The following SP4 variants were observed in gnomAD, a reference collection of about 807,000 sequenced individuals.
The protein encoded by SP4 is transcription factor Sp4.
A neutral mutation model predicts 72.8 loss-of-function variants in SP4; 19 were observed. The observed-to-expected ratio is 0.26, with a 90% CI of 0.18 to 0.38. The LOEUF is 0.38. Among genes scored for constraint, SP4 ranks in the 10% least tolerant of loss-of-function variants. The pLI is 1.00. For synonymous variants in SP4, 395 were observed against 333.1 expected (o/e 1.19, Z -2.02); for missense variants, 1,008 against 926.3 (o/e 1.09, Z -1.14).
intron 5 of SP4, among the ~76,000 whole-genome samples, chr7:21,490,797 C>T (rs1784957657): frequency 1.3e-5 from 2 of 152,314 alleles, no homozygotes; most frequent in South Asian, 4.1e-4. Flanking sequence ...AACCACCATC[C>T]AATTCCCAGC....
chr7:21,482,070 G>T lies in SP4; in HGVS notation c.2054G>T (p.Gly685Val). ...TTTATATGCAACTGGATGTTTTGTG[G>T]CAAAAGATTCACACGGAGTGATGAG... ...RPFICNWMFC[G>V]KRFTRSDELQ... Residue 685 changes from glycine to valine, a missense_variant, in exon 5 of 6, where the codon GGC becomes GTC. Transcript: ENST00000222584. The T allele has an allele frequency of 6.2e-7, 1 of 1,614,050 alleles. No individual in the cohort carries two copies. Among genetic ancestry groups the T allele is most frequent in the Non-Finnish European group, 8.5e-7 (1 of 1,179,926 alleles).
At chr7:21,469,333 A>G (rs1784258971) in intron 3 of SP4, among the ~76,000 whole-genome samples, 1 of 151,906 alleles carries the variant, frequency 6.6e-6, no homozygotes, top group Admixed American at 6.6e-5. Context: ...TCAAAATGAT[A>G]ATAGTGGTAA....
intron 3 of SP4, among the ~76,000 whole-genome samples, chr7:21,443,691 A>C (rs1783331363): frequency 6.6e-6 from 1 of 152,172 alleles, no homozygotes; most frequent in Admixed American, 6.5e-5. Context: ...AAGGGGTGGA[A>C]AATCCTTGCT....
At chr7:21,492,858 A>G (rs932891301) in intron 5 of SP4, among the ~76,000 whole-genome samples, 2 of 152,202 alleles carry the variant, frequency 1.3e-5, no homozygotes, top group Non-Finnish European at 2.9e-5. Flanking sequence ...TGGAACATTC[A>G]CAGAGGTAGA....
At chr7:21,491,650 A>G (rs1201794990) in intron 5 of SP4, among the ~76,000 whole-genome samples, 1 of 152,224 alleles carries the variant, frequency 6.6e-6, no homozygotes, top group Non-Finnish European at 1.5e-5. Flanking sequence ...AAGCCAGAAG[A>G]GAAGGACACA....
At chr7:21,460,905 C>T (rs1337306479) in intron 3 of SP4, among the ~76,000 whole-genome samples, 2 of 151,894 alleles carry the variant, frequency 1.3e-5, no homozygotes, top group Non-Finnish European at 2.9e-5. Context: ...CCGATTGGTG[C>T]ATTCACAATC....
At position 21,455,278 on chromosome 7, in the gene SP4, T is replaced by C. The variant is rs574440184; in HGVS notation, c.1679-21801T>C. ...GCTTCCCACACCACTTGCAATTAAC[T>C]GAAGGAGTAGGCTTTTGTAGTTTTT... On this transcript the variant is annotated intron_variant, in intron 3 of 5. Coordinates refer to ENST00000222584, the MANE Select transcript of SP4 (RefSeq NM_003112.5). 2.6e-4 allele frequency among the ~76,000 whole-genome samples: 40 copies of C among 152,332 alleles called. No homozygotes were observed. The East Asian group carries it at 7.0e-3, about 26-fold the overall frequency.
chr7:21,498,707 A>G (rs766448603), intron 5 of SP4, among the ~76,000 whole-genome samples: 2 of 152,244 alleles, frequency 1.3e-5, no homozygotes, highest in Non-Finnish European at 2.9e-5. Flanking sequence ...GCTGTTGACT[A>G]GAAGCCTTAA....
intron 1 of SP4, 54 bp downstream of exon 1, chr7:21,428,312 C>T (rs1562577051): frequency 3.2e-6 from 3 of 932,456 alleles, no homozygotes; most frequent in Non-Finnish European, 5.2e-6. Context: ...CTCTCCCTCC[C>T]TCCCCAGACC....
intron 3 of SP4, among the ~76,000 whole-genome samples, chr7:21,453,911 A>G (rs1262105163): frequency 6.6e-6 from 1 of 152,208 alleles, no homozygotes; most frequent in African/African-American, 2.4e-5. Context: ...GCTTTATCCT[A>G]TCTAACTTAA....
intron 4 of SP4, among the ~76,000 whole-genome samples, chr7:21,479,977 T>C (rs7802314): frequency 0.58 from 85,209 of 147,918 alleles, 24,414 homozygotes; most frequent in Middle Eastern, 0.71. Flanking sequence ...TGATTAGTTA[T>C]AACAGTTTTT....
Position 21,513,167 on chromosome 7 carries a change from A to G in SP4, c.*1898A>G, listed in dbSNP as rs1782191835. 6.6e-6 allele frequency: 1 copy of G among 152,560 alleles called. No individual in the cohort carries two copies. Among genetic ancestry groups the G allele is most frequent in the East Asian group, 1.9e-4 (1 of 5,180 alleles). The allele number at this position is 152,560 out of a possible 1,614,324, so 9.5% of individuals were successfully genotyped here. The stretch of plus-strand genomic sequence containing the variant: ...AATTGTGATGTTTCTTGTATTTTTG[A>G]TGAAGGAGAAATACTGTAATGATCA... On this transcript the variant is annotated 3_prime_UTR_variant, in exon 6 of 6. Transcript: ENST00000222584.
chr7:21,478,155 A>C (rs1202343244), intron 4 of SP4, among the ~76,000 whole-genome samples: 1 of 152,176 alleles, frequency 6.6e-6, no homozygotes, highest in Non-Finnish European at 1.5e-5. Flanking sequence ...CTTTTAGCAT[A>C]ATGTTTTCAA....
intron 3 of SP4, among the ~76,000 whole-genome samples, chr7:21,462,852 G>A (rs1784039365): frequency 6.6e-6 from 1 of 152,216 alleles, no homozygotes; most frequent in South Asian, 2.1e-4. Context: ...ATGTTGACTT[G>A]AGAGTATTGA....
chr7:21,430,226 GTTCTGA>G lies in SP4; in HGVS notation c.1062_1067del (p.Ser354_Glu356delinsArg). ...CAGTATGCAAGCACATCAGCCAGTA[GTTCTGA>G]ACGCACCATTGAAGAATCTCAAACA... On this transcript the variant is annotated inframe_deletion, in exon 3 of 6. Transcript: ENST00000222584. 6 of 1,614,202 alleles carry G rather than the reference GTTCTGA, an allele frequency of 3.7e-6. No individual in the cohort carries two copies. Among genetic ancestry groups the G allele is most frequent in the Non-Finnish European group, 3.4e-6 (4 of 1,180,024 alleles).
intron 3 of SP4, among the ~76,000 whole-genome samples, chr7:21,457,857 A>G (rs1467160369): frequency 6.6e-6 from 1 of 152,158 alleles, no homozygotes; most frequent in Non-Finnish European, 1.5e-5. Flanking sequence ...GCAGTCGCAC[A>G]TATGTAGAAA....
chr7:21,444,200 T>G (rs2128395817), intron 3 of SP4, among the ~76,000 whole-genome samples: 1 of 152,338 alleles, frequency 6.6e-6, no homozygotes, highest in South Asian at 2.1e-4. Context: ...GATATGTTCC[T>G]TAGATGATTG....
chr7:21,452,601 C>T (rs1027229503), intron 3 of SP4, among the ~76,000 whole-genome samples: 4 of 152,216 alleles, frequency 2.6e-5, no homozygotes, highest in East Asian at 3.9e-4. Context: ...CAGTCAAAAC[C>T]TTGGTAAAAT....
At chr7:21,494,167 G>T (rs2128414372) in intron 5 of SP4, among the ~76,000 whole-genome samples, 1 of 152,278 alleles carries the variant, frequency 6.6e-6, no homozygotes, top group East Asian at 1.9e-4. Context: ...CTAGAAATCT[G>T]CAGTTAACAT....
Sources: gnomAD v4.1 joint callset for allele counts (sites outside exome capture counted in the v4.1 genomes callset) on GRCh38, gnomAD v4.1.1 for gene constraint, MANE v1.5 for transcripts, NCBI Gene and HGNC (gene_info 2026-07-23, HGNC 2026-07-21) for gene names.